MYRFL: variants seen among roughly 807,000 people sequenced by gnomAD.
MYRFL encodes the protein myelin regulatory factor like.
Under a neutral mutation model 109.4 loss-of-function variants are expected in MYRFL, and 88 were observed. The observed-to-expected ratio is 0.80, with a 90% CI of 0.68 to 0.96. MYRFL has a LOEUF of 0.96. MYRFL is among the 40% of genes least tolerant of loss of function. MYRFL has a pLI of 0.00. For missense variants in MYRFL, 957 were observed against 954.9 expected (o/e 1.00, Z -0.03); for synonymous variants, 324 against 320.9 (o/e 1.01, Z -0.10).
At chr12:69,916,318 G>A (rs563519677) in intron 13 of MYRFL, among the ~76,000 whole-genome samples, 5 of 152,088 alleles carry the variant, frequency 3.3e-5, no homozygotes, top group African/African-American at 4.8e-5. Context: ...AGCTGGAGAC[G>A]GGGCAGAGGT....
intron 16 of MYRFL, chr12:69,935,820 G>GTGAC (rs1955434802): frequency 2.5e-6 from 1 of 404,084 alleles, no homozygotes; most frequent in Admixed American, 4.2e-5. Flanking sequence ...TCTTCCACTA[G>GTGAC]TGACAGGCAC....
intron 5 of MYRFL, among the ~76,000 whole-genome samples, chr12:69,880,544 C>T (rs1348816181): frequency 6.6e-6 from 1 of 152,184 alleles, no homozygotes; most frequent in Non-Finnish European, 1.5e-5. Context: ...ATTTCAGGGA[C>T]GATGTGTCTC....
At chr12:69,933,998 AATGGAACAG>A (rs1955363354) in intron 16 of MYRFL, among the ~76,000 whole-genome samples, 1 of 152,148 alleles carries the variant, frequency 6.6e-6, no homozygotes, top group Non-Finnish European at 1.5e-5. Flanking sequence ...GCCCCCGAAG[AATGGAACAG>A]ATGTGTCCAT....
chr12:69,850,786 G>T (rs1385965823), intron 1 of MYRFL, among the ~76,000 whole-genome samples: 1 of 151,844 alleles, frequency 6.6e-6, no homozygotes, highest in Non-Finnish European at 1.5e-5. Context: ...CTTCATCCAT[G>T]GTTGTTTTTC....
intron 1 of MYRFL, among the ~76,000 whole-genome samples, chr12:69,830,309 G>T (rs140442413): frequency 4.6e-4 from 69 of 151,138 alleles, no homozygotes; most frequent in Middle Eastern, 3.5e-3. Context: ...GAGAGATAAT[G>T]TATCTGTATG....
At chr12:69,951,138 G>C (rs912855307) in intron 19 of MYRFL, among the ~76,000 whole-genome samples, 1 of 152,178 alleles carries the variant, frequency 6.6e-6, no homozygotes, top group Non-Finnish European at 1.5e-5. Context: ...TAAGTGCTAT[G>C]GCATTGGAAA....
chr12:69,880,949 C>CCA (rs1379691821), intron 5 of MYRFL, among the ~76,000 whole-genome samples: 1 of 30,230 alleles, frequency 3.3e-5, no homozygotes, highest in Admixed American at 4.2e-4. Flanking sequence ...GTCAGCCTTC[C>CCA]TGTTTTTTTT....
At chr12:69,874,587 T>C (rs1257069942) in intron 2 of MYRFL, among the ~76,000 whole-genome samples, 1 of 152,224 alleles carries the variant, frequency 6.6e-6, no homozygotes, top group Non-Finnish European at 1.5e-5. Flanking sequence ...TAGAACCATT[T>C]CCCTTTAGCC....
At chr12:69,894,692 A>T (rs994133956) in intron 8 of MYRFL, among the ~76,000 whole-genome samples, 3 of 152,244 alleles carry the variant, frequency 2.0e-5, no homozygotes, top group Admixed American at 1.3e-4. Context: ...TCCAAGCTAG[A>T]GTCCTCTCTG....
chr12:69,902,172 G>C (rs1474706606), intron 10 of MYRFL, among the ~76,000 whole-genome samples: 1 of 152,098 alleles, frequency 6.6e-6, no homozygotes, highest in Non-Finnish European at 1.5e-5. Context: ...GGGATTACAG[G>C]TGTGAGCCAC....
chr12:69,879,720 G>A (rs1592746023), intron 4 of MYRFL, among the ~76,000 whole-genome samples: 1 of 152,210 alleles, frequency 6.6e-6, no homozygotes. Flanking sequence ...AGGAAACACC[G>A]TAAGCTTATG....
chr12:69,895,898 G>A (rs1953977898), intron 9 of MYRFL, among the ~76,000 whole-genome samples: 1 of 152,260 alleles, frequency 6.6e-6, no homozygotes, highest in South Asian at 2.1e-4. Flanking sequence ...TAGACCTGTG[G>A]TTTTCAAAGT....
chr12:69,879,923 T>C (rs1003147781), intron 4 of MYRFL, among the ~76,000 whole-genome samples: 4 of 152,054 alleles, frequency 2.6e-5, no homozygotes, highest in African/African-American at 9.7e-5. Flanking sequence ...ATGAAAAAAG[T>C]TGTCGGGTGT....
Position 69,865,860 on chromosome 12 carries a change from A to G in MYRFL, c.137+10490A>G, listed in dbSNP as rs879776706. On this transcript the variant is annotated intron_variant, in intron 2 of 24. Coordinates refer to ENST00000552032, the MANE Select transcript of MYRFL (RefSeq NM_182530.3). Reference sequence around the variant, plus strand: ...TGATGGGGCTTGCAGGTGAAGTAGAAGAGGAAGTTACTATTGCTGAGCATT... The same window carrying G: ...TGATGGGGCTTGCAGGTGAAGTAGAGGAGGAAGTTACTATTGCTGAGCATT... 2.6e-5 allele frequency among the ~76,000 whole-genome samples: 4 copies of G among 152,184 alleles called. No individual in the cohort carries two copies. The South Asian group carries it at 6.2e-4, about 24-fold the overall frequency.
intron 1 of MYRFL, among the ~76,000 whole-genome samples, chr12:69,841,127 G>A (rs373526909): frequency 7.2e-5 from 11 of 152,288 alleles, no homozygotes; most frequent in African/African-American, 2.6e-4. Context: ...AGGATTCCAG[G>A]TTGTTAGGTG....
In MYRFL at chr12:69,936,434, C is replaced by G. The variant is rs184724711; in HGVS notation, c.2045-19C>G. The G allele has an allele frequency of 3.1e-4, 469 of 1,532,468 alleles. No individual in the cohort carries two copies. The highest frequency in any genetic ancestry group is 2.6e-3 in the East Asian group (106 of 40,844). 94.9% of individuals were successfully genotyped at this position (1,532,468 alleles called of 1,614,324 possible). A position where few individuals can be genotyped will look rare whatever the true frequency, so the allele number is the denominator to read the frequency against. ...GTTAACCTTCTTGCTTCCCCTCCCC[C>G]CTGCCCAATGCCTTGCAGCACCTAA... On this transcript the variant is annotated intron_variant, in intron 18 of 24. Transcript: ENST00000552032.
Position 69,936,524 on chromosome 12 carries a change from C to A in MYRFL, c.2116C>A (p.Pro706Thr). The change falls in exon 19 of 25, where the codon CCG becomes ACG. Residue 706 changes from proline (P) to threonine (T), a missense_variant. Physicochemically the swap from Pro to Thr is conservative, Grantham distance 38 (BLOSUM62 -1). Coordinates refer to ENST00000552032, the MANE Select transcript of MYRFL (RefSeq NM_182530.3). ...TGAAATTACTTTCTGTGAAATCCTG[C>A]CGTGTCAGGAGACTTATTGCTGCCC... ...VPEITFCEIL[P>T]CQETYCCPIR... is the part of the protein sequence containing the mutation. The A allele has an allele frequency of 1.3e-6, 2 of 1,536,044 alleles. No homozygotes were observed. The highest frequency in any genetic ancestry group is 2.4e-5 in the South Asian group (2 of 84,050).
chr12:69,863,027 G>T (rs1398104069), intron 2 of MYRFL, among the ~76,000 whole-genome samples: 3 of 151,646 alleles, frequency 2.0e-5, no homozygotes, highest in African/African-American at 7.3e-5. Context: ...TTTGTCTTTG[G>T]TTCTGTTTAT....
chr12:69,887,589 C>T (rs984204026), intron 6 of MYRFL, among the ~76,000 whole-genome samples: 12 of 152,132 alleles, frequency 7.9e-5, no homozygotes, highest in Non-Finnish European at 1.2e-4. Flanking sequence ...CTTTAGACTT[C>T]TTTATTTCTT....
Sources: gnomAD v4.1 joint callset for allele counts (sites outside exome capture counted in the v4.1 genomes callset) on GRCh38, gnomAD v4.1.1 for gene constraint, MANE v1.5 for transcripts, NCBI Gene and HGNC (gene_info 2026-07-23, HGNC 2026-07-21) for gene names.